CSMD3: variants seen among roughly 807,000 people sequenced by gnomAD.
CSMD3 encodes CUB and sushi domain-containing protein 3.
Under a neutral mutation model 435.2 loss-of-function variants are expected in CSMD3, and 177 were observed. That is an observed-to-expected ratio of 0.41 (90% CI 0.36 to 0.46). CSMD3 has a LOEUF of 0.46. CSMD3 is among the 20% of genes least tolerant of loss of function. CSMD3 has a pLI of 0.34. For missense variants in CSMD3, 4,265 were observed against 4,504.6 expected, an observed-to-expected ratio of 0.95 and a Z score of 1.52; for synonymous variants, 1,656 against 1,520.5, an observed-to-expected ratio of 1.09 and a Z score of -2.07.
intron 5 of CSMD3, among the ~76,000 whole-genome samples, chr8:113,086,596 A>G (rs1375085606): frequency 2.0e-5 from 3 of 152,178 alleles, no homozygotes; most frequent in Non-Finnish European, 4.4e-5. Flanking sequence ...ATATATCATA[A>G]ATATTTGTAA....
At chr8:112,704,830 G>A (rs529336018) in intron 13 of CSMD3, among the ~76,000 whole-genome samples, 34 of 152,028 alleles carry the variant, frequency 2.2e-4, no homozygotes, top group Admixed American at 7.9e-4. Flanking sequence ...ATAACACTTT[G>A]AAACGCTCCA....
intron 7 of CSMD3, among the ~76,000 whole-genome samples, chr8:112,964,847 A>G (rs1166998048): frequency 6.6e-6 from 1 of 152,022 alleles, no homozygotes; most frequent in Non-Finnish European, 1.5e-5. Context: ...TTTAGAATAC[A>G]AATGATGTAA....
At chr8:112,609,156 C>T (rs777229200) in intron 22 of CSMD3, among the ~76,000 whole-genome samples, 2 of 125,216 alleles carry the variant, frequency 1.6e-5, no homozygotes, top group Non-Finnish European at 3.1e-5. Flanking sequence ...GAGCCAAAGA[C>T]GCACCACTGT....
intron 1 of CSMD3, among the ~76,000 whole-genome samples, chr8:113,359,919 G>C (rs748408687): frequency 6.6e-5 from 10 of 152,148 alleles, no homozygotes; most frequent in Admixed American, 1.3e-4. Context: ...AACATGGGTA[G>C]GCTGCTGTGG....
chr8:112,266,178 C>T (rs1168964156), intron 59 of CSMD3, among the ~76,000 whole-genome samples: 1 of 152,182 alleles, frequency 6.6e-6, no homozygotes, highest in Non-Finnish European at 1.5e-5. Context: ...CTGCTCTGTT[C>T]TGCCCCAAGA....
At chr8:112,644,298 G>A (rs900224777) in intron 20 of CSMD3, among the ~76,000 whole-genome samples, 1 of 151,770 alleles carries the variant, frequency 6.6e-6, no homozygotes, top group Non-Finnish European at 1.5e-5. Context: ...AGCAATATTT[G>A]CAAAAATGGA....
chr8:112,278,916 G>C (rs1239816564), intron 59 of CSMD3, among the ~76,000 whole-genome samples: 1 of 152,024 alleles, frequency 6.6e-6, no homozygotes, highest in South Asian at 2.1e-4. Flanking sequence ...TTAAAATAAT[G>C]ATTTGGAACT....
At chr8:112,666,454 A>C (rs368647568) in intron 16 of CSMD3, 39 bp from the exon 17 acceptor site, 2 of 1,585,678 alleles carry the variant, frequency 1.3e-6, no homozygotes, top group Non-Finnish European at 1.7e-6. Context: ...TAAAACATTC[A>C]AGATAAATCG....
intron 1 of CSMD3, among the ~76,000 whole-genome samples, chr8:113,341,133 G>A (rs535230869): frequency 5.3e-5 from 8 of 151,934 alleles, no homozygotes; most frequent in East Asian, 1.9e-4. Flanking sequence ...AAACTTATAC[G>A]TGTATATATA....
chr8:113,116,255 T>C (rs1229612739), intron 4 of CSMD3, among the ~76,000 whole-genome samples: 1 of 152,324 alleles, frequency 6.6e-6, no homozygotes, highest in East Asian at 1.9e-4. Context: ...TAGGAGGTAA[T>C]TGAATCATAG....
At chr8:113,084,729 T>G (rs1178156707) in intron 5 of CSMD3, among the ~76,000 whole-genome samples, 1 of 149,260 alleles carries the variant, frequency 6.7e-6, no homozygotes, top group East Asian at 2.0e-4. Context: ...AAAACTATAG[T>G]AAGTAAACCA....
chr8:112,543,240 CA>C (rs1397106390), intron 27 of CSMD3, among the ~76,000 whole-genome samples: 2 of 151,936 alleles, frequency 1.3e-5, no homozygotes, highest in African/African-American at 4.8e-5. Context: ...GTGACGAAAG[CA>C]AAAATAAACA....
intron 10 of CSMD3, among the ~76,000 whole-genome samples, chr8:112,884,309 G>A (rs919423389): frequency 6.6e-6 from 1 of 151,674 alleles, no homozygotes; most frequent in African/African-American, 2.4e-5. Context: ...CCATGTGAGT[G>A]ATAAAAAATA....
At chr8:112,995,840 C>A (rs1051474707) in intron 6 of CSMD3, among the ~76,000 whole-genome samples, 2 of 137,698 alleles carry the variant, frequency 1.5e-5, no homozygotes, top group Non-Finnish European at 3.4e-5. Context: ...GTTGTCTTTA[C>A]CATTCTTAGC....
intron 66 of CSMD3, among the ~76,000 whole-genome samples, 181 bp from the exon 67 acceptor site, chr8:112,237,529 G>T (rs1405220560): frequency 6.6e-6 from 1 of 151,934 alleles, no homozygotes; most frequent in African/African-American, 2.4e-5. Flanking sequence ...AATCCACATT[G>T]TAATAATCTA....
chr8:113,390,929 CTG>C (rs1403679908), intron 1 of CSMD3, among the ~76,000 whole-genome samples: 1 of 151,916 alleles, frequency 6.6e-6, no homozygotes, highest in African/African-American at 2.4e-5. Context: ...ACATTTCTAA[CTG>C]TTATCTCAAT....
chr8:113,050,120 A>G (rs1163467392), intron 5 of CSMD3, among the ~76,000 whole-genome samples: 1 of 152,106 alleles, frequency 6.6e-6, no homozygotes, highest in African/African-American at 2.4e-5. Context: ...TAGATATTTA[A>G]ACATATGATT....
At chr8:113,342,737 C>T (rs2094128245) in intron 1 of CSMD3, among the ~76,000 whole-genome samples, 1 of 152,112 alleles carries the variant, frequency 6.6e-6, no homozygotes, top group East Asian at 1.9e-4. Context: ...ATAGATCTCA[C>T]TCACAATGTA....
At chr8:113,324,858 C>G (rs2093973105) in intron 1 of CSMD3, among the ~76,000 whole-genome samples, 1 of 152,132 alleles carries the variant, frequency 6.6e-6, no homozygotes, top group South Asian at 2.1e-4. Context: ...GTGGAGCTGC[C>G]CAAGACCATG....
Sources: gnomAD v4.1 joint callset for allele counts (sites outside exome capture counted in the v4.1 genomes callset) on GRCh38, gnomAD v4.1.1 for gene constraint, MANE v1.5 for transcripts, NCBI Gene and HGNC (gene_info 2026-07-23, HGNC 2026-07-21) for gene names.